The following ZNF229 variants were observed in gnomAD, a reference collection of about 807,000 sequenced individuals.
ZNF229 encodes zinc finger protein 229.
In ZNF229, 10 loss-of-function variants were observed where a neutral mutation model predicts 11.8. That is an observed-to-expected ratio of 0.85 (90% CI 0.52 to 1.44). The LOEUF (loss-of-function observed/expected upper bound fraction) is 1.44. Among genes scored for constraint, ZNF229 ranks in the 40% most tolerant of loss-of-function variants. ZNF229 has a pLI of 0.00. For synonymous variants in ZNF229, 368 were observed against 374.8 expected (o/e 0.98, Z 0.21); for missense variants, 1,045 against 1,015.1 (o/e 1.03, Z -0.40).
At chr19:44,431,801 T>C (rs1600014291) in intron 5 of ZNF229, 18 of 989,110 alleles carry the variant, frequency 1.8e-5, no homozygotes, top group Non-Finnish European at 2.0e-5. Context: ...CTCCATCTGT[T>C]ACCCCAGTCT....
chr19:44,441,845 C>T (rs375619517), intron 4 of ZNF229, among the ~76,000 whole-genome samples: 12 of 152,214 alleles, frequency 7.9e-5, no homozygotes, highest in African/African-American at 2.9e-4. Flanking sequence ...GGCAGAAATA[C>T]TCCTGCAGCT....
intron 2 of ZNF229, among the ~76,000 whole-genome samples, chr19:44,444,651 CT>C (rs1289324290): frequency 1.3e-5 from 2 of 152,218 alleles, no homozygotes; most frequent in African/African-American, 4.8e-5. Context: ...TGAAAACAGA[CT>C]GCTAGAGTCC....
At chr19:44,436,528 C>G (rs941617902) in intron 4 of ZNF229, among the ~76,000 whole-genome samples, 1 of 152,162 alleles carries the variant, frequency 6.6e-6, no homozygotes, top group Non-Finnish European at 1.5e-5. Flanking sequence ...TGCCGGTCAT[C>G]CCAGCACTTT....
At chr19:44,444,521 A>C (rs918437294) in intron 2 of ZNF229, among the ~76,000 whole-genome samples, 1 of 152,206 alleles carries the variant, frequency 6.6e-6, no homozygotes, top group African/African-American at 2.4e-5. Context: ...CAAAGGGAAG[A>C]GTAGAGGCCA....
At chr19:44,435,815 G>A (rs529307599) in intron 4 of ZNF229, among the ~76,000 whole-genome samples, 1 of 152,180 alleles carries the variant, frequency 6.6e-6, no homozygotes, top group Admixed American at 6.5e-5. Context: ...CACACAGTGG[G>A]AACAGTTGGT....
intron 4 of ZNF229, among the ~76,000 whole-genome samples, chr19:44,441,021 C>T (rs767583722): frequency 4.5e-4 from 68 of 152,160 alleles, no homozygotes; most frequent in Non-Finnish European, 8.4e-4. Context: ...ACCTGGCCCA[C>T]AACATTCTTA....
chr19:44,441,568 C>T (rs984710772), intron 4 of ZNF229, among the ~76,000 whole-genome samples: 2 of 151,924 alleles, frequency 1.3e-5, no homozygotes, highest in African/African-American at 4.8e-5. Flanking sequence ...TACTTTATAT[C>T]GCTTGATAGC....
chr19:44,441,684 A>G, intron 4 of ZNF229, among the ~76,000 whole-genome samples: 2 of 152,338 alleles, frequency 1.3e-5, no homozygotes, highest in Middle Eastern at 3.4e-3. Context: ...ATATGTATAT[A>G]TATTTGTAGA....
In ZNF229 at chr19:44,427,904, C is replaced by G. The variant is rs1373114084; in HGVS notation, c.*399G>C. On this transcript the variant is annotated 3_prime_UTR_variant, in exon 6 of 6. Transcript: ENST00000614049. ...CAAACTGGTTTTAGAAAGGTGGAAA[C>G]TTGTTTCTACACTGTCCCATTGGTA... is the stretch of plus-strand genomic sequence containing the variant. The G allele has an allele frequency of 6.1e-6, 1 of 164,488 alleles. No individual in the cohort carries two copies. The highest frequency in any genetic ancestry group is 1.3e-5 in the Non-Finnish European group (1 of 76,032). 10.2% of individuals were successfully genotyped at this position (164,488 alleles called of 1,614,324 possible). A position where few individuals can be genotyped will look rare whatever the true frequency, so the allele number is the denominator to read the frequency against.
At chr19:44,446,462 T>C (rs1211966754) in intron 2 of ZNF229, among the ~76,000 whole-genome samples, 3 of 152,186 alleles carry the variant, frequency 2.0e-5, no homozygotes, top group Non-Finnish European at 4.4e-5. Flanking sequence ...TGTACTTCTG[T>C]CAAATAAAGA....
At chr19:44,445,189 G>A (rs1971982611) in intron 2 of ZNF229, among the ~76,000 whole-genome samples, 1 of 152,124 alleles carries the variant, frequency 6.6e-6, no homozygotes, top group African/African-American at 2.4e-5. Context: ...ACCAGAATCA[G>A]ATTATTCTTG....
At chr19:44,433,429 T>C (rs1268261084) in intron 4 of ZNF229, among the ~76,000 whole-genome samples, 4 of 152,040 alleles carry the variant, frequency 2.6e-5, no homozygotes, top group African/African-American at 9.7e-5. Context: ...TCCCCAGTAC[T>C]AGGAAGTGGG....
At chr19:44,439,166 A>C (rs1429476781) in intron 4 of ZNF229, among the ~76,000 whole-genome samples, 1 of 152,156 alleles carries the variant, frequency 6.6e-6, no homozygotes, top group African/African-American at 2.4e-5. Context: ...CTTGAGGAGA[A>C]ACCCACACAC....
At position 44,442,699 on chromosome 19, in the gene ZNF229, C is replaced by G. The variant is rs989012128; in HGVS notation, c.35-78G>C. The stretch of plus-strand genomic sequence containing the variant: ...AGATCATCTACCTGGTAGGAAGGTG[C>G]CCAGCTTTACAGACTGGTTTCTTCT... On this transcript the variant is annotated intron_variant, in intron 3 of 5. Transcript: ENST00000614049. The G allele has an allele frequency of 3.7e-6, 6 of 1,600,932 alleles. No individual in the cohort carries two copies. In the African/African-American group the frequency reaches 8.0e-5, roughly 21 times the overall value.
intron 4 of ZNF229, among the ~76,000 whole-genome samples, chr19:44,435,882 G>A (rs760598699): frequency 2.6e-5 from 4 of 152,232 alleles, no homozygotes; most frequent in East Asian, 1.9e-4. Flanking sequence ...AGGCAATGCC[G>A]CTGTGAAGTA....
At chr19:44,439,216 T>A (rs1337416562) in intron 4 of ZNF229, among the ~76,000 whole-genome samples, 1 of 152,220 alleles carries the variant, frequency 6.6e-6, no homozygotes, top group African/African-American at 2.4e-5. Context: ...TTATTGTTGC[T>A]GAGTGTCAGA....
intron 5 of ZNF229, among the ~76,000 whole-genome samples, chr19:44,431,477 C>T (rs531315245): frequency 1.3e-5 from 2 of 152,112 alleles, no homozygotes; most frequent in Non-Finnish European, 2.9e-5. Flanking sequence ...CTGGGACAGT[C>T]TCTGCCACTG....
At chr19:44,445,256 G>T (rs1216723963) in intron 2 of ZNF229, among the ~76,000 whole-genome samples, 1 of 152,038 alleles carries the variant, frequency 6.6e-6, no homozygotes, top group Non-Finnish European at 1.5e-5. Context: ...CCCCCTAAAT[G>T]GCCTCTGCAT....
chr19:44,445,527 T>C (rs931367892), intron 2 of ZNF229, among the ~76,000 whole-genome samples: 1 of 152,150 alleles, frequency 6.6e-6, no homozygotes, highest in African/African-American at 2.4e-5. Flanking sequence ...CTTCGTGTTG[T>C]TCTCTTTGCC....
Sources: gnomAD v4.1 joint callset for allele counts (sites outside exome capture counted in the v4.1 genomes callset) on GRCh38, gnomAD v4.1.1 for gene constraint, MANE v1.5 for transcripts, NCBI Gene and HGNC (gene_info 2026-07-23, HGNC 2026-07-21) for gene names.